Variants in JADE1 observed in about 807,000 individuals in gnomAD.
JADE1 encodes protein Jade-1.
A neutral mutation model predicts 81.8 loss-of-function variants in JADE1; 14 were observed. That is an observed-to-expected ratio of 0.17 (90% CI 0.11 to 0.27). The LOEUF is 0.27. JADE1 is among the 10% of genes least tolerant of loss of function. The pLI, the probability that JADE1 is intolerant of heterozygous loss-of-function variation, is 1.00. For missense variants in JADE1, 690 were observed against 1,047.9 expected (o/e 0.66, Z 4.71); for synonymous variants, 353 against 391.9 (o/e 0.90, Z 1.17).
At chr4:128,870,795 C>T (rs1329416836) in intron 10 of JADE1, among the ~76,000 whole-genome samples, 2 of 152,298 alleles carry the variant, frequency 1.3e-5, no homozygotes, top group East Asian at 1.9e-4. Flanking sequence ...ATTTTTGGAA[C>T]GCTTACTATG....
At position 128,839,206 on chromosome 4, in the gene JADE1, G is replaced by A. The variant is rs541081495; in HGVS notation, c.53-3747G>A. Among the ~76,000 whole-genome samples, 6 of 152,272 alleles carry A rather than the reference G, an allele frequency of 3.9e-5. No individual in the cohort carries two copies. The East Asian group carries it at 1.2e-3, about 29-fold the overall frequency. ...CGTCTTATACCAGTGGCTCTTGATA[G>A]ATTAACTTTTTGGTACAACAAGAAA... On this transcript the variant is annotated intron_variant, in intron 2 of 10. Transcript: ENST00000226319.
At chr4:128,850,431 G>T (rs187927435) in intron 5 of JADE1, among the ~76,000 whole-genome samples, 1 of 152,278 alleles carries the variant, frequency 6.6e-6, no homozygotes, top group Admixed American at 6.5e-5. Flanking sequence ...GTAGATGCTT[G>T]TCCTGCCATT....
intron 9 of JADE1, chr4:128,864,370 T>A (rs1731624059): frequency 1.2e-6 from 1 of 848,354 alleles, no homozygotes. Context: ...GGTCTTGAAC[T>A]CCTGACCTCA....
At position 128,871,499 on chromosome 4, in the gene JADE1, A is replaced by AT. The variant is rs1221139334; in HGVS notation, c.1768dup (p.Ser590PhefsTer7). On this transcript the variant is annotated frameshift_variant, in exon 11 of 11. Transcript: ENST00000226319. LOFTEE classifies it high-confidence loss of function. This position sits in a 1 kb window ranked among gnomAD's most constrained non-coding sequence, Gnocchi z 4.1. The stretch of plus-strand genomic sequence containing the variant: ...AAACAAATGGGTACTTCCTTGGTTC[A>AT]TTCGCTGAAAAAGCCCCATAAGCGA... The AT allele has an allele frequency of 6.2e-7, 1 of 1,614,062 alleles. No individual in the cohort carries two copies. Among genetic ancestry groups the AT allele is most frequent in the Non-Finnish European group, 8.5e-7 (1 of 1,180,040 alleles).
intron 4 of JADE1, among the ~76,000 whole-genome samples, chr4:128,847,807 C>T (rs1729993007): frequency 6.6e-6 from 1 of 152,176 alleles, no homozygotes; most frequent in East Asian, 1.9e-4. Flanking sequence ...TAGATAAAAT[C>T]ACTCCCGTAA....
At chr4:128,863,296 C>T (rs762369976) in intron 9 of JADE1, 49 of 985,382 alleles carry the variant, frequency 5.0e-5, no homozygotes, top group Non-Finnish European at 5.9e-5. Context: ...TCTTCCACAT[C>T]AACTCCCCTG....
chr4:128,853,519 C>CGCTA (rs1730542530), intron 6 of JADE1, among the ~76,000 whole-genome samples: 2 of 152,080 alleles, frequency 1.3e-5, no homozygotes, highest in South Asian at 4.1e-4. Context: ...GGAGGATGGG[C>CGCTA]GCTAGGTAAC....
At chr4:128,852,546 A>T (rs1730442510) in intron 6 of JADE1, among the ~76,000 whole-genome samples, 1 of 152,052 alleles carries the variant, frequency 6.6e-6, no homozygotes, top group Admixed American at 6.5e-5. Flanking sequence ...TTTACTTAAA[A>T]AGAATGTATG....
chr4:128,873,834 C>A lies in JADE1; in HGVS notation c.*1572C>A, dbSNP rs1428186763. The A allele has an allele frequency of 6.6e-6, 1 of 152,614 alleles. No homozygotes were observed. Among genetic ancestry groups the A allele is most frequent in the Non-Finnish European group, 1.5e-5 (1 of 68,040 alleles). The allele number at this position is 152,614 out of a possible 1,614,324, so 9.5% of individuals were successfully genotyped here. ...ATGCTTTGAGGAGTTCTGCAGTTAA[C>A]TTTCAAGTCTTCCAGATGATTGTCA... On this transcript the variant is annotated 3_prime_UTR_variant, in exon 11 of 11. Transcript: ENST00000226319.
intron 5 of JADE1, among the ~76,000 whole-genome samples, chr4:128,849,529 G>T (rs1310557741): frequency 1.3e-5 from 2 of 152,190 alleles, no homozygotes; most frequent in African/African-American, 4.8e-5. Context: ...ATGCCATTCG[G>T]ATTCCTTCTT....
At chr4:128,816,963 G>T (rs1727093908) in intron 1 of JADE1, among the ~76,000 whole-genome samples, 1 of 150,320 alleles carries the variant, frequency 6.7e-6, no homozygotes, top group South Asian at 2.1e-4. Context: ...ACTGCAGTGG[G>T]TTCAAGTGAG....
At chr4:128,818,195 A>T (rs1236636414) in intron 1 of JADE1, among the ~76,000 whole-genome samples, 1 of 151,638 alleles carries the variant, frequency 6.6e-6, no homozygotes, top group Non-Finnish European at 1.5e-5. Flanking sequence ...ATCTGGGCTC[A>T]CTGCAACGTC....
At chr4:128,867,132 C>T (rs531169097) in intron 9 of JADE1, among the ~76,000 whole-genome samples, 19 of 152,152 alleles carry the variant, frequency 1.2e-4, no homozygotes, top group Non-Finnish European at 1.5e-4. Flanking sequence ...GAGGGCAATA[C>T]CAGTTTTTCA....
intron 1 of JADE1, among the ~76,000 whole-genome samples, chr4:128,819,186 A>G (rs544409614): frequency 1.3e-5 from 2 of 152,062 alleles, no homozygotes; most frequent in Non-Finnish European, 2.9e-5. Context: ...GCAAGTTGAA[A>G]TTAGAAGTTT....
At chr4:128,818,374 G>C (rs866040916) in intron 1 of JADE1, among the ~76,000 whole-genome samples, 15 of 152,288 alleles carry the variant, frequency 9.8e-5, no homozygotes, top group African/African-American at 3.4e-4. Context: ...ACCCGCCTCA[G>C]CCTCCCCAAG....
intron 1 of JADE1, among the ~76,000 whole-genome samples, chr4:128,810,780 C>T (rs1422292188): frequency 1.3e-5 from 2 of 151,866 alleles, no homozygotes; most frequent in Non-Finnish European, 2.9e-5. Context: ...TAGATTCTTC[C>T]GAACTGGGCT....
At position 128,849,118 on chromosome 4, in the gene JADE1, C is replaced by T. The variant is rs1245135240; in HGVS notation, c.435C>T (p.Asp145=). 1 of 1,614,022 alleles carries T rather than the reference C, an allele frequency of 6.2e-7. No individual in the cohort carries two copies. The highest frequency in any genetic ancestry group is 1.7e-5 in the Admixed American group (1 of 60,016). Residue 145 remains aspartate (D), a synonymous_variant, in exon 5 of 11, where the codon GAC becomes GAT. Transcript: ENST00000226319. ...GCGTGTGTCGCTATGACCTCAATGACATGGATGCTGCATGGCTGGAACTGA... is the reference window on the plus strand; with the variant it reads ...GCGTGTGTCGCTATGACCTCAATGATATGGATGCTGCATGGCTGGAACTGA... ...ADSVCRYDLN[D]MDAAWLELTN... is the part of the protein sequence containing the mutation.
chr4:128,863,744 A>C lies in JADE1; in HGVS notation c.1503+1519A>C, dbSNP rs188256502. The C allele has an allele frequency of 1.5e-5, 15 of 985,336 alleles. No homozygotes were observed. The African/African-American group carries it at 2.4e-4, about 16-fold the overall frequency. The allele number at this position is 985,336 out of a possible 1,614,324, so 61.0% of individuals were successfully genotyped here. ...GTGGCATTTTTGTTAGAGATGAGAA[A>C]AGGATTGAGAAGGATAAACTGGAAT... On this transcript the variant is annotated intron_variant, in intron 9 of 10. Coordinates refer to ENST00000226319, the MANE Select transcript of JADE1 (RefSeq NM_199320.4).
chr4:128,847,568 C>G (rs1056908104), intron 4 of JADE1, among the ~76,000 whole-genome samples: 4 of 152,174 alleles, frequency 2.6e-5, no homozygotes, highest in African/African-American at 4.8e-5. Context: ...TGCCTCAGAG[C>G]CTGTGTCTGA....
Sources: gnomAD v4.1 joint callset for allele counts (sites outside exome capture counted in the v4.1 genomes callset) on GRCh38, gnomAD v4.1.1 for gene constraint, Gnocchi (gnomAD v3.1) non-coding constraint, MANE v1.5 for transcripts, NCBI Gene and HGNC (gene_info 2026-07-23, HGNC 2026-07-21) for gene names.